The following ISM2 variants were observed in gnomAD, a reference collection of about 807,000 sequenced individuals.
The protein encoded by ISM2 is isthmin-2.
In ISM2, 50 loss-of-function variants were observed where a neutral mutation model predicts 58.0. That is an observed-to-expected ratio of 0.86 (90% CI 0.69 to 1.09). The LOEUF (loss-of-function observed/expected upper bound fraction) is 1.09. ISM2 is among the 50% of genes least tolerant of loss of function. The pLI, the probability that ISM2 is intolerant of heterozygous loss-of-function variation, is 0.00. For synonymous variants in ISM2, 303 were observed against 312.4 expected (o/e 0.97, Z 0.32); for missense variants, 723 against 745.0 (o/e 0.97, Z 0.34).
intron 4 of ISM2, among the ~76,000 whole-genome samples, chr14:77,479,367 C>T (rs1238961386): frequency 1.3e-5 from 2 of 150,144 alleles, no homozygotes; most frequent in South Asian, 2.1e-4. Flanking sequence ...TACAAGCATG[C>T]GCCACCATGC....
intron 1 of ISM2, 37 bp downstream of exon 1, chr14:77,498,616 A>G (rs2079263874): frequency 7.1e-7 from 1 of 1,409,454 alleles, no homozygotes; most frequent in Non-Finnish European, 9.2e-7. Flanking sequence ...GGTGGGACCG[A>G]CAGCGCGCTC....
In ISM2 at chr14:77,494,835, T is replaced by C. The variant is rs76817276; in HGVS notation, c.141+3818A>G. ...AAGACTCATGGAACGATGTCAGAGC[T>C]GGACAGAACCATAAAGATGACTTAG... On this transcript the variant is annotated intron_variant, in intron 1 of 6. Transcript: ENST00000342219. Among the ~76,000 whole-genome samples the C allele has an allele frequency of 2.8e-4, 43 of 152,318 alleles. No homozygotes were observed. The East Asian group carries it at 8.1e-3, about 29-fold the overall frequency.
chr14:77,486,980 G>A (rs932783767), intron 1 of ISM2, among the ~76,000 whole-genome samples: 1 of 151,876 alleles, frequency 6.6e-6, no homozygotes, highest in Admixed American at 6.6e-5. Flanking sequence ...GGTGGCTCAC[G>A]CCTGTAATCC....
intron 1 of ISM2, among the ~76,000 whole-genome samples, chr14:77,492,546 G>T (rs1180900056): frequency 1.4e-5 from 2 of 140,016 alleles, no homozygotes; most frequent in Admixed American, 1.5e-4. Flanking sequence ...TCAAGACAGG[G>T]TCTTGCTCTG....
chr14:77,475,881 C>T lies in ISM2; in HGVS notation c.1430G>A (p.Arg477His), dbSNP rs376794536. Residue 477 changes from arginine to histidine, a missense_variant, in exon 7 of 7, where the codon CGT (arginine) becomes CAT (histidine). Transcript: ENST00000342219. This position sits in a 1 kb window ranked among gnomAD's most constrained non-coding sequence, Gnocchi z 4.1. ...GCTGCTCTCCCCAGACAGCATGGAA[C>T]GCAGGCAGAAGCGCGCCGTGGGCTG... The part of the protein sequence containing the change: ...IYQPTARFCL[R>H]SMLSGESSTL... 65 of 1,606,384 alleles carry T rather than the reference C, an allele frequency of 4.0e-5. No individual in the cohort carries two copies. The East Asian group carries it at 8.2e-4, about 20-fold the overall frequency.
chr14:77,496,120 C>G lies in ISM2; in HGVS notation c.141+2533G>C, dbSNP rs536753312. Among the ~76,000 whole-genome samples, 7 of 147,502 alleles carry G rather than the reference C, an allele frequency of 4.7e-5. No individual in the cohort carries two copies. In the East Asian group the frequency reaches 1.4e-3, roughly 29 times the overall value. On this transcript the variant is annotated intron_variant, in intron 1 of 6. Coordinates refer to ENST00000342219, the MANE Select transcript of ISM2 (RefSeq NM_199296.3). Reference sequence around the variant, plus strand: ...ATCCCAGCTACTCTTGAGGCTGAGGCAGGAGAATCGCTTGAACTTGGAAGG... The same window carrying G: ...ATCCCAGCTACTCTTGAGGCTGAGGGAGGAGAATCGCTTGAACTTGGAAGG...
intron 2 of ISM2, 55 bp downstream of exon 2, chr14:77,484,622 C>A: frequency 6.2e-7 from 1 of 1,605,968 alleles, no homozygotes. Context: ...AACAGGGACC[C>A]AGAAAAGGCT....
chr14:77,482,024 G>A (rs2079135112), intron 4 of ISM2, among the ~76,000 whole-genome samples: 1 of 151,488 alleles, frequency 6.6e-6, no homozygotes, highest in Non-Finnish European at 1.5e-5. Context: ...AAGGTGGGAG[G>A]ATCGCTTGAG....
At chr14:77,491,691 CTTTTTTTTTTT>C (rs777579764) in intron 1 of ISM2, among the ~76,000 whole-genome samples, 6 of 105,268 alleles carry the variant, frequency 5.7e-5, no homozygotes, top group African/African-American at 1.5e-4. Context: ...CGCGTCTGGT[CTTTTTTTTTTT>C]TTTTTTTTTT....
intron 4 of ISM2, among the ~76,000 whole-genome samples, chr14:77,479,563 T>C (rs998454223): frequency 1.6e-4 from 24 of 152,222 alleles, no homozygotes; most frequent in African/African-American, 5.8e-4. Context: ...TTTGTATTTT[T>C]AGTAGAGACA....
chr14:77,482,499 C>G lies in ISM2; in HGVS notation c.796G>C (p.Gly266Arg). 6.2e-7 allele frequency: 1 copy of G among 1,614,204 alleles called. No individual in the cohort carries two copies. The highest frequency in any genetic ancestry group is 1.1e-5 in the South Asian group (1 of 91,084). Residue 266 changes from glycine to arginine, a missense_variant, in exon 4 of 7, where the codon GGG (glycine) becomes CGG (arginine). Coordinates refer to ENST00000342219, the MANE Select transcript of ISM2 (RefSeq NM_199296.3). Reference protein sequence around the residue: ...EEKDRAPGEKGEEKEEDEDYP... With the variant: ...EEKDRAPGEKREEKEEDEDYP... ...TCCTCGTCTTCCTCCTTTTCCTCCC[C>G]CTTCTCCCCTGGGGCCCTGTCTTTT...
rs1264577219 is a variant in ISM2, at chr14:77,478,331, G to A, written c.1115-6C>T. 4 of 1,612,570 alleles carry A rather than the reference G, an allele frequency of 2.5e-6. No individual in the cohort carries two copies. Among genetic ancestry groups the A allele is most frequent in the Non-Finnish European group, 3.4e-6 (4 of 1,178,716 alleles). On this transcript the variant is annotated splice_polypyrimidine_tract_variant and splice_region_variant and intron_variant, in intron 5 of 6. Transcript: ENST00000342219. ...GGTGTCCTTGTCCTCAGTGCCTTTGGGAGGAAAGGAGGCCAGGCTGGTGGC... is the reference window on the plus strand; with the variant it reads ...GGTGTCCTTGTCCTCAGTGCCTTTGAGAGGAAAGGAGGCCAGGCTGGTGGC...
intron 1 of ISM2, among the ~76,000 whole-genome samples, chr14:77,496,401 T>C (rs2079240690): frequency 6.6e-6 from 1 of 151,608 alleles, no homozygotes; most frequent in African/African-American, 2.4e-5. Context: ...GGCAGGAGAA[T>C]CGCTTGAACC....
chr14:77,498,139 G>A (rs1202643684), intron 1 of ISM2: 2 of 648,110 alleles, frequency 3.1e-6, no homozygotes, highest in African/African-American at 1.9e-5. Flanking sequence ...AGGCCACGAG[G>A]ACAGAGCCAG....
chr14:77,486,000 C>T (rs1219668781), intron 1 of ISM2, among the ~76,000 whole-genome samples: 2 of 152,238 alleles, frequency 1.3e-5, no homozygotes, highest in Admixed American at 6.5e-5. Flanking sequence ...GCATTTACTG[C>T]ACACCAGGCA....
At chr14:77,491,004 A>G (rs1288151007) in intron 1 of ISM2, among the ~76,000 whole-genome samples, 2 of 152,198 alleles carry the variant, frequency 1.3e-5, no homozygotes, top group Non-Finnish European at 2.9e-5. Flanking sequence ...GCACTCACTC[A>G]CTGATTGGGC....
intron 1 of ISM2, among the ~76,000 whole-genome samples, chr14:77,496,519 CACACCTGTAATCCCA>C (rs2079241803): frequency 6.6e-6 from 1 of 151,118 alleles, no homozygotes; most frequent in African/African-American, 2.4e-5. Flanking sequence ...CGTGGCGGCT[CACACCTGTAATCCCA>C]GCACTTAGGG....
At chr14:77,490,395 G>A (rs1479025594) in intron 1 of ISM2, among the ~76,000 whole-genome samples, 2 of 152,278 alleles carry the variant, frequency 1.3e-5, no homozygotes, top group African/African-American at 4.8e-5. Flanking sequence ...AAAAAGAACG[G>A]AGCCAGTCTT....
chr14:77,476,570 G>A (rs1353757244), intron 6 of ISM2, among the ~76,000 whole-genome samples: 2 of 152,142 alleles, frequency 1.3e-5, no homozygotes, highest in Non-Finnish European at 1.5e-5. Flanking sequence ...TCTGGCCTGG[G>A]GTGAGTCATT....
Sources: gnomAD v4.1 joint callset for allele counts (sites outside exome capture counted in the v4.1 genomes callset) on GRCh38, gnomAD v4.1.1 for gene constraint, Gnocchi (gnomAD v3.1) non-coding constraint, MANE v1.5 for transcripts, NCBI Gene and HGNC (gene_info 2026-07-23, HGNC 2026-07-21) for gene names.